The following NBEA variants were observed in gnomAD, a reference collection of about 807,000 sequenced individuals.
NBEA encodes neurobeachin.
NBEA carries 44 observed loss-of-function variants against 343.4 expected under a neutral mutation model. The observed-to-expected ratio is 0.13, with a 90% CI of 0.10 to 0.16. NBEA has a LOEUF of 0.16. Ranked by LOEUF, NBEA falls within the 10% of genes least tolerant of loss-of-function variation. The pLI is 1.00. For missense variants in NBEA, 2,555 were observed against 3,631.3 expected, an observed-to-expected ratio of 0.70 and a Z score of 7.62; for synonymous variants, 1,175 against 1,238.7, an observed-to-expected ratio of 0.95 and a Z score of 1.08.
intron 16 of NBEA, among the ~76,000 whole-genome samples, chr13:35,121,528 C>G (rs367857269): frequency 2.8e-5 from 4 of 144,814 alleles, no homozygotes; most frequent in African/African-American, 1.0e-4. Flanking sequence ...TCAGACTTGT[C>G]TTTTTTCATT....
At chr13:35,147,766 C>T (rs1432550604) in intron 18 of NBEA, among the ~76,000 whole-genome samples, 1 of 152,040 alleles carries the variant, frequency 6.6e-6, no homozygotes, top group African/African-American at 2.4e-5. Flanking sequence ...TATCTGGTTC[C>T]CCATTTGGTT....
At chr13:34,951,424 T>G (rs1242535070) in intron 1 of NBEA, among the ~76,000 whole-genome samples, 1 of 152,204 alleles carries the variant, frequency 6.6e-6, no homozygotes, top group Non-Finnish European at 1.5e-5. Context: ...AGTTAGTACT[T>G]ACTATTGTTG....
At chr13:35,274,886 C>T (rs962516987) in intron 34 of NBEA, among the ~76,000 whole-genome samples, 1 of 152,176 alleles carries the variant, frequency 6.6e-6, no homozygotes, top group African/African-American at 2.4e-5. Context: ...ACATTCCATG[C>T]TCATGGACAT....
At chr13:35,652,399 G>A (rs566032289) in intron 53 of NBEA, among the ~76,000 whole-genome samples, 4 of 151,060 alleles carry the variant, frequency 2.6e-5, no homozygotes, top group African/African-American at 9.7e-5. Flanking sequence ...CCAGTACTTT[G>A]GGAGTCCAAG....
In NBEA at chr13:35,159,177, G is replaced by A. The variant is rs867979381; in HGVS notation, c.3006G>A (p.Glu1002=). Residue 1002 remains glutamate (E), a synonymous_variant, in exon 22 of 59, where the codon GAG becomes GAA. Coordinates refer to ENST00000379939, the MANE Select transcript of NBEA (RefSeq NM_001385012.1). ...TGAKGGMEIR[E]IEDLSQSQSP... is the part of the protein sequence containing the mutation. ...CAAAAGGTGGAATGGAAATTCGAGA[G>A]ATAGAAGATCTTTCACAAAGCCAGA... 2.5e-6 allele frequency: 4 copies of A among 1,613,416 alleles called. No homozygotes were observed. Among genetic ancestry groups the A allele is most frequent in the Middle Eastern group, 1.6e-4 (1 of 6,080 alleles).
chr13:35,644,637 T>C (rs1399895018), intron 49 of NBEA, among the ~76,000 whole-genome samples: 1 of 152,206 alleles, frequency 6.6e-6, no homozygotes, highest in African/African-American at 2.4e-5. Flanking sequence ...GAGAGACGTT[T>C]AGCTGTTCAT....
At chr13:35,089,935 A>G (rs4941808) in intron 10 of NBEA, among the ~76,000 whole-genome samples, 1 of 132,738 alleles carries the variant, frequency 7.5e-6, no homozygotes, top group Admixed American at 8.0e-5. Flanking sequence ...GGGGAGGGAT[A>G]GCATTGGGAG....
chr13:35,357,058 A>G (rs1031896661), intron 38 of NBEA, among the ~76,000 whole-genome samples: 1 of 152,176 alleles, frequency 6.6e-6, no homozygotes, highest in Non-Finnish European at 1.5e-5. Flanking sequence ...GTGTGTACCC[A>G]GTGCATAGAA....
intron 47 of NBEA, among the ~76,000 whole-genome samples, chr13:35,600,007 T>G (rs2081977265): frequency 6.6e-6 from 1 of 152,106 alleles, no homozygotes; most frequent in Admixed American, 6.6e-5. Context: ...GTGTAAAGTT[T>G]GTTTGAGCTC....
chr13:35,498,686 T>C (rs555229666), intron 41 of NBEA, among the ~76,000 whole-genome samples: 29 of 152,218 alleles, frequency 1.9e-4, no homozygotes, highest in African/African-American at 6.7e-4. Context: ...TGAATCTTCA[T>C]AAGAAAATGT....
At chr13:35,095,661 A>G (rs1311579788) in intron 10 of NBEA, among the ~76,000 whole-genome samples, 1 of 151,966 alleles carries the variant, frequency 6.6e-6, no homozygotes, top group Non-Finnish European at 1.5e-5. Context: ...ACTCTTATCC[A>G]TTCTTGAAGT....
At chr13:35,373,401 T>G (rs1055762348) in intron 38 of NBEA, among the ~76,000 whole-genome samples, 1 of 152,130 alleles carries the variant, frequency 6.6e-6, no homozygotes, top group Admixed American at 6.6e-5. Flanking sequence ...TTACAGAAAA[T>G]GTAATGTTAT....
chr13:35,259,028 C>T (rs762699303), intron 34 of NBEA, among the ~76,000 whole-genome samples: 3 of 152,164 alleles, frequency 2.0e-5, no homozygotes, highest in Non-Finnish European at 4.4e-5. Flanking sequence ...ATGCGTTCAA[C>T]TTACAGTGGG....
intron 47 of NBEA, among the ~76,000 whole-genome samples, chr13:35,601,070 G>A (rs1479598738): frequency 2.0e-5 from 3 of 152,028 alleles, no homozygotes; most frequent in Admixed American, 6.6e-5. Flanking sequence ...CCAGCTACTC[G>A]GGATGCTGAG....
At chr13:35,388,048 T>A (rs1455131416) in intron 38 of NBEA, among the ~76,000 whole-genome samples, 9 of 152,162 alleles carry the variant, frequency 5.9e-5, no homozygotes, top group Admixed American at 2.0e-4. Context: ...AGAATTTTTT[T>A]AAATTTCCGA....
At chr13:35,481,415 G>A (rs1477329012) in intron 41 of NBEA, among the ~76,000 whole-genome samples, 1 of 151,602 alleles carries the variant, frequency 6.6e-6, no homozygotes, top group Admixed American at 6.6e-5. Flanking sequence ...ATTTGCATAT[G>A]TACACAGAGG....
chr13:35,149,729 T>C (rs918568570), intron 18 of NBEA, among the ~76,000 whole-genome samples: 3 of 152,180 alleles, frequency 2.0e-5, no homozygotes, highest in African/African-American at 4.8e-5. Context: ...CATCTGCTTA[T>C]TTTGACCTCT....
Position 35,159,352 on chromosome 13 carries a change from G to A in NBEA, c.3181G>A (p.Ala1061Thr). The A allele has an allele frequency of 6.2e-7, 1 of 1,613,492 alleles. No individual in the cohort carries two copies. The highest frequency in any genetic ancestry group is 8.5e-7 in the Non-Finnish European group (1 of 1,179,674). The change falls in exon 22 of 59, where the codon GCA (alanine) becomes ACA (threonine). Residue 1061 changes from alanine (A) to threonine (T), a missense_variant. Coordinates refer to ENST00000379939, the MANE Select transcript of NBEA (RefSeq NM_001385012.1). ...ACATGATCTTTTAGTAGATATAAAA[G>A]CAGAGAAAGTGGAAGCAACAGAAGT... is the stretch of plus-strand genomic sequence containing the variant. ...EVHDLLVDIKAEKVEATEVKL... is the reference protein window; with the variant it reads ...EVHDLLVDIKTEKVEATEVKL...
chr13:35,021,155 T>C (rs2061825054), intron 1 of NBEA, among the ~76,000 whole-genome samples: 1 of 152,182 alleles, frequency 6.6e-6, no homozygotes, highest in Non-Finnish European at 1.5e-5. Context: ...TTTTGTGTCA[T>C]GGGCTGGCAA....
Sources: gnomAD v4.1 joint callset for allele counts (sites outside exome capture counted in the v4.1 genomes callset) on GRCh38, gnomAD v4.1.1 for gene constraint, MANE v1.5 for transcripts, NCBI Gene and HGNC (gene_info 2026-07-23, HGNC 2026-07-21) for gene names.